CERS5: variants seen among roughly 807,000 people sequenced by gnomAD.
CERS5 encodes the protein ceramide synthase 5.
A neutral mutation model predicts 58.9 loss-of-function variants in CERS5; 37 were observed. That is an observed-to-expected ratio of 0.63 (90% CI 0.48 to 0.83). The LOEUF is 0.83. Among genes scored for constraint, CERS5 ranks in the 40% least tolerant of loss-of-function variants. The pLI, the probability that CERS5 is intolerant of heterozygous loss-of-function variation, is 0.00. For synonymous variants in CERS5, 147 were observed against 177.8 expected, an observed-to-expected ratio of 0.83 and a Z score of 1.38; for missense variants, 398 against 489.3, an observed-to-expected ratio of 0.81 and a Z score of 1.76.
At chr12:50,149,644 C>A (rs1259045823) in intron 1 of CERS5, among the ~76,000 whole-genome samples, 1 of 152,146 alleles carries the variant, frequency 6.6e-6, no homozygotes, top group Non-Finnish European at 1.5e-5. Flanking sequence ...TTGATTTTAG[C>A]TCTCAGGGTG....
intron 1 of CERS5, among the ~76,000 whole-genome samples, chr12:50,162,048 G>C (rs1385650873): frequency 6.6e-6 from 1 of 151,120 alleles, no homozygotes; most frequent in Non-Finnish European, 1.5e-5. Context: ...CTAATTTCTT[G>C]TATTTTTAGT....
At chr12:50,135,889 A>G in intron 7 of CERS5, 51 bp from the exon 8 acceptor site, 1 of 1,588,402 alleles carries the variant, frequency 6.3e-7, no homozygotes, top group Non-Finnish European at 8.5e-7. Context: ...TTCCTCACAT[A>G]GGAAGAAAAG....
chr12:50,144,670 TCAG>T, intron 1 of CERS5: 1 of 632,080 alleles, frequency 1.6e-6, no homozygotes, highest in Non-Finnish European at 2.6e-6. Flanking sequence ...AAGAAAGAAA[TCAG>T]GAAGCTAGGA....
chr12:50,159,880 C>T (rs943938397), intron 1 of CERS5, among the ~76,000 whole-genome samples: 16 of 152,064 alleles, frequency 1.1e-4, no homozygotes, highest in Non-Finnish European at 5.9e-5. Context: ...CATTAGCCAC[C>T]GTGCCCAGCC....
intron 1 of CERS5, chr12:50,148,590 T>C (rs1952441220): frequency 2.9e-6 from 1 of 339,686 alleles, no homozygotes; most frequent in Non-Finnish European, 6.2e-6. Context: ...AAGCAGACTC[T>C]GTCTCAATAA....
At chr12:50,137,944 G>A in intron 5 of CERS5, 124 bp from the exon 6 acceptor site, 1 of 658,664 alleles carries the variant, frequency 1.5e-6, no homozygotes, top group Non-Finnish European at 2.7e-6. Context: ...CCCATTATCT[G>A]CCAAGATATG....
At chr12:50,135,136 G>GGAGA (rs145966803) in intron 8 of CERS5, among the ~76,000 whole-genome samples, 9,003 of 59,596 alleles carry the variant, frequency 0.15, 2,134 homozygotes, top group East Asian at 0.7. Flanking sequence ...GGAGAGGGAG[G>GGAGA]GAGAGAGAGA....
chr12:50,138,923 A>T (rs1292199297), intron 4 of CERS5, among the ~76,000 whole-genome samples: 2 of 152,216 alleles, frequency 1.3e-5, no homozygotes, highest in South Asian at 4.1e-4. Flanking sequence ...ACCAAGAAAG[A>T]TATCTCCATG....
At chr12:50,146,867 AAC>A (rs1952308420) in intron 1 of CERS5, among the ~76,000 whole-genome samples, 1 of 143,474 alleles carries the variant, frequency 7.0e-6, no homozygotes, top group Admixed American at 7.0e-5. Flanking sequence ...AAAAAAAAAG[AAC>A]ATTTGACAAA....
chr12:50,163,283 C>T (rs1458676054), intron 1 of CERS5, among the ~76,000 whole-genome samples: 2 of 152,066 alleles, frequency 1.3e-5, no homozygotes. Flanking sequence ...ACTGCAACCT[C>T]CACCTTCCAG....
intron 4 of CERS5, among the ~76,000 whole-genome samples, chr12:50,139,880 T>C (rs1008105052): frequency 6.6e-6 from 1 of 152,164 alleles, no homozygotes; most frequent in African/African-American, 2.4e-5. Context: ...TACTTTATTA[T>C]CATTTTTTAG....
At chr12:50,165,630 A>T (rs1939802823) in intron 1 of CERS5, 1 of 173,878 alleles carries the variant, frequency 5.8e-6, no homozygotes, top group African/African-American at 2.4e-5. Context: ...AGAACACAAG[A>T]TTTTGAAAGA....
chr12:50,143,794 G>A (rs922553570), intron 2 of CERS5, 158 bp downstream of exon 2: 18 of 554,464 alleles, frequency 3.2e-5, no homozygotes, highest in Non-Finnish European at 5.5e-5. Context: ...GGTTTTCCCT[G>A]AGGGGATAAA....
intron 1 of CERS5, chr12:50,147,519 G>T (rs1483201584): frequency 6.6e-6 from 1 of 152,006 alleles, no homozygotes; most frequent in African/African-American, 2.4e-5. Context: ...GACCCCTGGG[G>T]GATCCAGAGA....
chr12:50,135,723 A>G lies in CERS5; in HGVS notation c.872+9T>C, dbSNP rs781209435. ...ATACCTACCACAACTCTACAGCCCT[A>G]CCACTTACCAGAATGGATAGATTCC... On this transcript the variant is annotated intron_variant, in intron 8 of 9. Coordinates refer to ENST00000317551, the MANE Select transcript of CERS5 (RefSeq NM_147190.5). 3 of 1,584,580 alleles carry G rather than the reference A, an allele frequency of 1.9e-6. No individual in the cohort carries two copies. In the Admixed American group the frequency reaches 5.0e-5, roughly 26 times the overall value.
intron 8 of CERS5, chr12:50,135,305 AGGAGTGTGT>A (rs1951620949): frequency 7.4e-5 from 16 of 216,950 alleles, no homozygotes; most frequent in African/African-American, 4.1e-4. Flanking sequence ...AGAGAGAGAG[AGGAGTGTGT>A]GTGTGTGTGT....
At chr12:50,163,844 A>G (rs929848116) in intron 1 of CERS5, among the ~76,000 whole-genome samples, 6 of 151,666 alleles carry the variant, frequency 4.0e-5, no homozygotes, top group African/African-American at 1.5e-4. Flanking sequence ...TGTAGAGACA[A>G]GGTTTCACCA....
chr12:50,148,536 G>A, intron 1 of CERS5: 1 of 341,880 alleles, frequency 2.9e-6, no homozygotes, highest in Non-Finnish European at 6.1e-6. Flanking sequence ...GACAGAGGTT[G>A]CAGTGAGCTG....
At chr12:50,138,220 G>A (rs1951788228) in intron 5 of CERS5, among the ~76,000 whole-genome samples, 1 of 152,026 alleles carries the variant, frequency 6.6e-6, no homozygotes, top group African/African-American at 2.4e-5. Flanking sequence ...GGGATTCCAA[G>A]TTACCCTTGA....
Sources: gnomAD v4.1 joint callset for allele counts (sites outside exome capture counted in the v4.1 genomes callset) on GRCh38, gnomAD v4.1.1 for gene constraint, MANE v1.5 for transcripts, NCBI Gene and HGNC (gene_info 2026-07-23, HGNC 2026-07-21) for gene names.